The following ATF7 variants were observed in gnomAD, a reference collection of about 807,000 sequenced individuals.
The protein encoded by ATF7 is activating transcription factor 7.
In ATF7, 10 loss-of-function variants were observed where a neutral mutation model predicts 50.4. That is an observed-to-expected ratio of 0.20 (90% CI 0.12 to 0.34). The LOEUF is 0.34. ATF7 is among the 10% of genes least tolerant of loss of function. The pLI is 1.00. For synonymous variants in ATF7, 201 were observed against 226.4 expected, an observed-to-expected ratio of 0.89 and a Z score of 1.01; for missense variants, 465 against 613.9, an observed-to-expected ratio of 0.76 and a Z score of 2.56.
chr12:53,510,027 A>G (rs538298729), downstream of ATF7, among the ~76,000 whole-genome samples: 35 of 151,368 alleles, frequency 2.3e-4, no homozygotes, highest in African/African-American at 8.0e-4. Context: ...TCATCATGGT[A>G]TCTTGTAGTT....
At chr12:53,558,524 G>A (rs1228720266) in intron 2 of ATF7, among the ~76,000 whole-genome samples, 2 of 152,196 alleles carry the variant, frequency 1.3e-5, no homozygotes, top group Non-Finnish European at 2.9e-5. Context: ...TAAAATGGCT[G>A]ATGGACTCCA....
Position 53,537,486 on chromosome 12 carries a change from G to T in ATF7, c.331C>A (p.Pro111Thr), listed in dbSNP as rs149888264. The T allele has an allele frequency of 3.1e-4, 508 of 1,613,698 alleles. 2 individuals carry two copies. The Middle Eastern group carries it at 6.4e-3, about 20-fold the overall frequency. The change falls in exon 5 of 12, where the codon CCA becomes ACA. Residue 111 changes from proline to threonine, a missense_variant. Physicochemically the swap from Pro to Thr is conservative, Grantham distance 38. Coordinates refer to ENST00000420353, the MANE Select transcript of ATF7 (RefSeq NM_006856.3). Reference sequence around the variant, plus strand: ...GGTGGGGATGAGTCTACCTCCACTGGCTCTTCTTCTTTGATTTTGATGTCT... The same window carrying T: ...GGTGGGGATGAGTCTACCTCCACTGTCTCTTCTTCTTTGATTTTGATGTCT... Reference protein sequence around the residue: ...TPDIKIKEEEPVEVDSSPPDS... With the variant: ...TPDIKIKEEETVEVDSSPPDS...
intron 2 of ATF7, among the ~76,000 whole-genome samples, chr12:53,585,087 C>A (rs1377146018): frequency 6.6e-6 from 1 of 152,158 alleles, no homozygotes; most frequent in Non-Finnish European, 1.5e-5. Flanking sequence ...GTCCTCCCAC[C>A]TCAGCCTCCT....
At position 53,529,708 on chromosome 12, in the gene ATF7, CAT is replaced by C. The variant is rs1565924148; in HGVS notation, c.927+2034_927+2035del. ...ATATATAAATACATATATATATACA[CAT>C]ACACACACACACACACACACACACA... On this transcript the variant is annotated intron_variant, in intron 9 of 11. Coordinates refer to ENST00000420353, the MANE Select transcript of ATF7 (RefSeq NM_006856.3). Among the ~76,000 whole-genome samples the C allele has an allele frequency of 3.1e-5, 4 of 129,604 alleles. No individual in the cohort carries two copies. The East Asian group carries it at 9.9e-4, about 32-fold the overall frequency. The allele number at this position is 129,604 out of a possible 152,430, so 85.0% of individuals were successfully genotyped here.
intron 9 of ATF7, among the ~76,000 whole-genome samples, chr12:53,529,523 G>C (rs928885393): frequency 6.7e-6 from 1 of 149,772 alleles, no homozygotes; most frequent in Non-Finnish European, 1.5e-5. Context: ...ATTTTTAGTA[G>C]AGACGGGTTT....
chr12:53,546,684 A>C (rs1444952830), intron 3 of ATF7, among the ~76,000 whole-genome samples: 1 of 151,778 alleles, frequency 6.6e-6, no homozygotes, highest in Non-Finnish European at 1.5e-5. Flanking sequence ...TCCTGACCTC[A>C]AGTGATCTGC....
chr12:53,609,504 G>A (rs1943757484), intron 1 of ATF7, among the ~76,000 whole-genome samples: 1 of 151,666 alleles, frequency 6.6e-6, no homozygotes, highest in African/African-American at 2.4e-5. Context: ...CATGCACAGT[G>A]GTGTGTGCCT....
chr12:53,608,637 A>T (rs1056697210), intron 1 of ATF7, among the ~76,000 whole-genome samples: 3 of 152,182 alleles, frequency 2.0e-5, no homozygotes, highest in African/African-American at 7.2e-5. Flanking sequence ...GCTCAGTACA[A>T]ACTAGCTGAA....
At chr12:53,588,469 C>G (rs1430804344) in intron 2 of ATF7, among the ~76,000 whole-genome samples, 1 of 152,174 alleles carries the variant, frequency 6.6e-6, no homozygotes, top group Non-Finnish European at 1.5e-5. Context: ...TCTAATCATA[C>G]CCTAATTCCA....
At chr12:53,519,802 A>T (rs1422069749) in intron 11 of ATF7, among the ~76,000 whole-genome samples, 4 of 152,064 alleles carry the variant, frequency 2.6e-5, no homozygotes. Context: ...GCTGGAGTGC[A>T]GTGGCACTAT....
chr12:53,573,861 G>T (rs898458668), intron 2 of ATF7, among the ~76,000 whole-genome samples: 3 of 152,106 alleles, frequency 2.0e-5, no homozygotes, highest in Non-Finnish European at 2.9e-5. Flanking sequence ...ATCCAAGTGG[G>T]GAAAAGAAAA....
chr12:53,551,584 A>G lies in ATF7; in HGVS notation c.145+957T>C, dbSNP rs988957871. On this transcript the variant is annotated intron_variant, in intron 3 of 11. Coordinates refer to ENST00000420353, the MANE Select transcript of ATF7 (RefSeq NM_006856.3). Reference sequence around the variant, plus strand: ...GGTGTATACAGTAGATATGAAATAAATATCTGCTGAATTAATGAGGAATAG... The same window carrying G: ...GGTGTATACAGTAGATATGAAATAAGTATCTGCTGAATTAATGAGGAATAG... Among the ~76,000 whole-genome samples, 5 of 152,220 alleles carry G rather than the reference A, an allele frequency of 3.3e-5. No homozygotes were observed. The South Asian group carries it at 1.0e-3, about 32-fold the overall frequency.
At chr12:53,625,602 G>A (rs928820574) in intron 1 of ATF7, among the ~76,000 whole-genome samples, 1 of 152,036 alleles carries the variant, frequency 6.6e-6, no homozygotes, top group African/African-American at 2.4e-5. Context: ...CTGATATCAT[G>A]TCCCTGATGT....
intron 2 of ATF7, among the ~76,000 whole-genome samples, chr12:53,578,458 G>A (rs1425592071): frequency 6.6e-6 from 1 of 151,224 alleles, no homozygotes; most frequent in Non-Finnish European, 1.5e-5. Flanking sequence ...GACTTGCCTT[G>A]CCAGAAATCT....
Position 53,570,728 on chromosome 12 carries a change from CCT to C in ATF7, c.49-18093_49-18092del, listed in dbSNP as rs1565963473. Among the ~76,000 whole-genome samples, 21 of 120,922 alleles carry C rather than the reference CCT, an allele frequency of 1.7e-4. 1 individual carries two copies. In the East Asian group the frequency reaches 1.9e-3, roughly 11 times the overall value. The allele number at this position is 120,922 out of a possible 152,430, so 79.3% of individuals were successfully genotyped here. ...AAATCCAACCTTCACATAGTGTTCT[CCT>C]GTGTGCGTGTGTGTGTGTGTGTGTG... On this transcript the variant is annotated intron_variant, in intron 2 of 11. Coordinates refer to ENST00000420353, the MANE Select transcript of ATF7 (RefSeq NM_006856.3).
rs1042969987 is a variant in ATF7 at position 53,564,354 on chromosome 12, C to A, written c.49-11717G>T. On this transcript the variant is annotated intron_variant, in intron 2 of 11. Transcript: ENST00000420353. The stretch of plus-strand genomic sequence containing the variant: ...TCACACAACTGCATTCCAGCCTGGG[C>A]GACAGAGCAAGACTCTGTTTCAAAA... Among the ~76,000 whole-genome samples, 8 of 152,260 alleles carry A rather than the reference C, an allele frequency of 5.3e-5. No individual in the cohort carries two copies. In the East Asian group the frequency reaches 1.5e-3, roughly 29 times the overall value.
At chr12:53,532,474 A>T in intron 8 of ATF7, 36 bp downstream of exon 8, 4 of 1,494,178 alleles carry the variant, frequency 2.7e-6, no homozygotes, top group Non-Finnish European at 3.7e-6. Flanking sequence ...CTTCTTTCAG[A>T]AAGGCCAACA....
At chr12:53,536,186 AT>A (rs964471020) in intron 5 of ATF7, among the ~76,000 whole-genome samples, 10 of 151,884 alleles carry the variant, frequency 6.6e-5, no homozygotes, top group African/African-American at 2.4e-4. Flanking sequence ...CTCTTCTTGA[AT>A]TTTATAAGTA....
At chr12:53,572,033 C>T (rs1941794604) in intron 2 of ATF7, among the ~76,000 whole-genome samples, 1 of 151,334 alleles carries the variant, frequency 6.6e-6, no homozygotes, top group Non-Finnish European at 1.5e-5. Flanking sequence ...TGCCACTGCA[C>T]TCCAGCCTGG....
Sources: allele counts gnomAD v4.1 joint callset (sites outside exome capture counted in the v4.1 genomes callset), GRCh38; gene constraint gnomAD v4.1.1; transcripts MANE v1.5; gene names NCBI Gene and HGNC (gene_info 2026-07-23, HGNC 2026-07-21).